The following DLEC1 variants were observed in gnomAD, a reference collection of about 807,000 sequenced individuals.
DLEC1 encodes the protein deleted in lung and esophageal cancer protein 1.
Under a neutral mutation model 198.1 loss-of-function variants are expected in DLEC1, and 146 were observed. That is an observed-to-expected ratio of 0.74 (90% CI 0.64 to 0.85). The LOEUF (loss-of-function observed/expected upper bound fraction) is 0.85. DLEC1 is among the 40% of genes least tolerant of loss of function. The pLI is 0.00. For missense variants in DLEC1, 2,233 were observed against 2,220.0 expected (o/e 1.01, Z -0.12); for synonymous variants, 897 against 866.8 (o/e 1.03, Z -0.61).
chr3:38,061,372 G>A (rs544836226), intron 3 of DLEC1, among the ~76,000 whole-genome samples: 1 of 151,972 alleles, frequency 6.6e-6, no homozygotes, highest in African/African-American at 2.4e-5. Context: ...GTAGAGACAG[G>A]GTTTCACCAT....
chr3:38,084,478 TGGTAGTAGTG>T (rs1559430423), intron 7 of DLEC1, among the ~76,000 whole-genome samples: 5 of 149,462 alleles, frequency 3.3e-5, no homozygotes, highest in Admixed American at 6.6e-5. Flanking sequence ...GTGGTGGTGG[TGGTAGTAGTG>T]GTGGTAGTAG....
chr3:38,073,524 A>T (rs1189740366), intron 6 of DLEC1, among the ~76,000 whole-genome samples: 1 of 151,958 alleles, frequency 6.6e-6, no homozygotes, highest in African/African-American at 2.4e-5. Context: ...AGGTGGGGGG[A>T]TACGAGAGGA....
At chr3:38,083,582 C>T (rs935540809) in intron 6 of DLEC1, among the ~76,000 whole-genome samples, 1 of 151,058 alleles carries the variant, frequency 6.6e-6, no homozygotes, top group Admixed American at 6.8e-5. Flanking sequence ...GCCATTTACA[C>T]TTCTTTTGTG....
chr3:38,080,214 C>T (rs1034113288), intron 6 of DLEC1, among the ~76,000 whole-genome samples: 6 of 152,018 alleles, frequency 3.9e-5, no homozygotes, highest in South Asian at 4.1e-4. Flanking sequence ...GGGCTAGTCA[C>T]GGAACGAAAC....
At chr3:38,099,646 T>TCTCA (rs946566921) in intron 18 of DLEC1, among the ~76,000 whole-genome samples, 1 of 152,038 alleles carries the variant, frequency 6.6e-6, no homozygotes, top group African/African-American at 2.4e-5. Flanking sequence ...AAGTGTCCTC[T>TCTCA]CTCAGTCAGG....
In DLEC1 at chr3:38,112,291, A is replaced by C; in HGVS notation, c.3596A>C (p.Gln1199Pro). ...HFSQGMLGPY[Q>P]QLCIDITGCA... is the part of the protein sequence containing the mutation. ...TCCCAGGGCATGCTGGGGCCCTACC[A>C]GCAGCTGTGCATTGACATCACAGGC... Residue 1199 changes from glutamine (Q) to proline (P), a missense_variant, in exon 25 of 37, where the codon CAG becomes CCG. By Grantham distance (76) the Gln-to-Pro change is moderately conservative. Coordinates refer to ENST00000308059, the MANE Select transcript of DLEC1 (RefSeq NM_007335.4). The surrounding 1 kb of genome is among the most constrained non-coding windows in gnomAD (Gnocchi z 4.8). 1 of 1,614,158 alleles carries C rather than the reference A, an allele frequency of 6.2e-7. No homozygotes were observed.
chr3:38,074,234 A>C (rs1697479635), intron 6 of DLEC1, among the ~76,000 whole-genome samples: 1 of 152,226 alleles, frequency 6.6e-6, no homozygotes, highest in South Asian at 2.1e-4. Context: ...CAGCAGAGGC[A>C]AGTAATTGTA....
chr3:38,085,366 G>T lies in DLEC1; in HGVS notation c.1354G>T (p.Asp452Tyr). 6 of 1,614,110 alleles carry T rather than the reference G, an allele frequency of 3.7e-6. No homozygotes were observed. Among genetic ancestry groups the T allele is most frequent in the Non-Finnish European group, 5.1e-6 (6 of 1,180,026 alleles). Residue 452 changes from aspartate to tyrosine, a missense_variant, in exon 8 of 37, where the codon GAT becomes TAT. Coordinates refer to ENST00000308059, the MANE Select transcript of DLEC1 (RefSeq NM_007335.4). The part of the protein sequence containing the change: ...FFPDCLGDFD[D>Y]FILVETQSAH... ...TCCCGACTGCCTTGGGGATTTTGAT[G>T]ATTTTATTTTAGTGGAGACCCAGTC...
intron 6 of DLEC1, 55 bp from the exon 7 acceptor site, chr3:38,084,103 A>G (rs1201820387): frequency 2.6e-6 from 4 of 1,521,850 alleles, no homozygotes; most frequent in East Asian, 2.3e-5. Context: ...TGGACATCGT[A>G]TCATTTCGTC....
intron 1 of DLEC1, among the ~76,000 whole-genome samples, chr3:38,041,423 G>A (rs1470798769): frequency 6.6e-6 from 1 of 152,208 alleles, no homozygotes; most frequent in Non-Finnish European, 1.5e-5. Flanking sequence ...TATTACAGGT[G>A]TGAGCCACTG....
chr3:38,052,115 C>T (rs1044572510), intron 2 of DLEC1: 20 of 338,894 alleles, frequency 5.9e-5, no homozygotes, highest in Admixed American at 3.3e-4. Context: ...ATGGGCTCCT[C>T]GACCCTGTGC....
chr3:38,078,584 T>TCC (rs1485269895), intron 6 of DLEC1, among the ~76,000 whole-genome samples: 1 of 152,142 alleles, frequency 6.6e-6, no homozygotes, highest in Non-Finnish European at 1.5e-5. Context: ...CCGAGATAGG[T>TCC]AACAGATGAG....
Position 38,121,678 on chromosome 3 carries a change from C to T in DLEC1, c.4917C>T (p.Thr1639=), listed in dbSNP as rs780577868. The stretch of plus-strand genomic sequence containing the variant: ...CCGTGCCTGAGCTGCAGCTCTCCAC[C>T]AGCTGGGTGGACTTTGGGACCTGCT... ...VVAVPELQLS[T]SWVDFGTCFV... is the part of the protein sequence containing the mutation. The change falls in exon 35 of 37, where the codon ACC becomes ACT. Residue 1639 remains threonine, a synonymous_variant. Transcript: ENST00000308059. 1 of 1,613,974 alleles carries T rather than the reference C, an allele frequency of 6.2e-7. No individual in the cohort carries two copies. Among genetic ancestry groups the T allele is most frequent in the Non-Finnish European group, 8.5e-7 (1 of 1,179,984 alleles).
chr3:38,109,989 T>C lies in DLEC1; in HGVS notation c.3261-110T>C, dbSNP rs142604724. ...GCTCAATGAAACAGGAGTCTGAGGA[T>C]GAAGCCTGGTGTCTGGGCAGCTTCT... On this transcript the variant is annotated intron_variant, in intron 22 of 36. Coordinates refer to ENST00000308059, the MANE Select transcript of DLEC1 (RefSeq NM_007335.4). 2.6e-4 allele frequency: 326 copies of C among 1,252,168 alleles called. 1 individual carries two copies. The African/African-American group carries it at 4.7e-3, about 18-fold the overall frequency. 77.6% of individuals were successfully genotyped at this position (1,252,168 alleles called of 1,614,324 possible). A position where few individuals can be genotyped will look rare whatever the true frequency, so the allele number is the denominator to read the frequency against.
chr3:38,115,069 G>A lies in DLEC1; in HGVS notation c.3856+16G>A, dbSNP rs371535102. On this transcript the variant is annotated intron_variant, in intron 27 of 36. Coordinates refer to ENST00000308059, the MANE Select transcript of DLEC1 (RefSeq NM_007335.4). ...AGCCCCTGTGGTAAGACATGCATGA[G>A]AGAAGTCAGTGTTCTTGCCACAGGC... is the stretch of plus-strand genomic sequence containing the variant. The A allele has an allele frequency of 1.4e-5, 22 of 1,613,554 alleles. 1 individual carries two copies. In the African/African-American group the frequency reaches 2.7e-4, roughly 20 times the overall value.
At position 38,122,304 on chromosome 3, in the gene DLEC1, C is replaced by G. The variant is rs770452395; in HGVS notation, c.5160C>G (p.Tyr1720Ter). ...CTCCCCACAGGAGTAGTGAGCTGTA[C>G]GAGTCCACGATGGTGGTGGAAGGTG... ...VFFTARSSEL[Y>*]ESTMVVEGVL... Residue 1720 changes from tyrosine (Y) to a stop codon, truncating the protein, a stop_gained, in exon 37 of 37, where the codon TAC (tyrosine) becomes TAG (stop). Transcript: ENST00000308059. LOFTEE classifies it high-confidence loss of function. The G allele has an allele frequency of 2.5e-6, 4 of 1,613,204 alleles. No individual in the cohort carries two copies. Among genetic ancestry groups the G allele is most frequent in the South Asian group, 1.1e-5 (1 of 90,948 alleles).
chr3:38,100,294 C>T lies in DLEC1; in HGVS notation c.2733C>T (p.Pro911=). 1 of 1,610,774 alleles carries T rather than the reference C, an allele frequency of 6.2e-7. No homozygotes were observed. Among genetic ancestry groups the T allele is most frequent in the Non-Finnish European group, 8.5e-7 (1 of 1,178,866 alleles). Reference sequence around the variant, plus strand: ...AGTGTTCTCCGGGGCAGGTGTCTCCCTTCGACATTGAGCCTTCGAGTGGCC... The same window carrying T: ...AGTGTTCTCCGGGGCAGGTGTCTCCTTTCGACATTGAGCCTTCGAGTGGCC... ...SLQERPEDVS[P]FDIEPSSGQL... Residue 911 remains proline (P), a synonymous_variant, in exon 19 of 37, where the codon CCC becomes CCT. Transcript: ENST00000308059.
chr3:38,119,009 C>T (rs1700322709), intron 33 of DLEC1, among the ~76,000 whole-genome samples: 1 of 152,164 alleles, frequency 6.6e-6, no homozygotes, highest in Admixed American at 6.5e-5. Flanking sequence ...TTTGCGTTTG[C>T]TCCCTTCAAC....
chr3:38,119,198 C>T (rs1269732234), intron 33 of DLEC1, among the ~76,000 whole-genome samples: 4 of 152,272 alleles, frequency 2.6e-5, no homozygotes, highest in Middle Eastern at 6.8e-3. Context: ...ACCCTCCATG[C>T]GCTAACAATG....
Sources: allele counts gnomAD v4.1 joint callset (sites outside exome capture counted in the v4.1 genomes callset), GRCh38; gene constraint gnomAD v4.1.1; non-coding constraint Gnocchi (gnomAD v3.1); transcripts MANE v1.5; gene names NCBI Gene and HGNC (gene_info 2026-07-23, HGNC 2026-07-21).